The following ANKS1A variants were observed in gnomAD, a reference collection of about 807,000 sequenced individuals.
ANKS1A encodes the protein ankyrin repeat and sterile alpha motif domain containing 1A, also known as ankyrin repeat and SAM domain-containing protein 1A.
A neutral mutation model predicts 120.3 loss-of-function variants in ANKS1A; 55 were observed. The ratio of observed to expected loss-of-function variants is 0.46; its 90% CI spans 0.37 to 0.57. The LOEUF (loss-of-function observed/expected upper bound fraction) is 0.57, where lower values mean the gene tolerates loss of function less well. Ranked by LOEUF, ANKS1A falls within the 20% of genes least tolerant of loss-of-function variation. The probability of loss-of-function intolerance (pLI) is 0.00; values close to 1 mark genes in which losing one functional copy is unlikely to be tolerated. For missense variants in ANKS1A, 1,123 were observed against 1,480.3 expected, an observed-to-expected ratio of 0.76 and a Z score of 3.96; for synonymous variants, 590 against 604.7, an observed-to-expected ratio of 0.98 and a Z score of 0.36.
At chr6:34,979,375 G>A (rs572420526) in intron 3 of ANKS1A, among the ~76,000 whole-genome samples, 1 of 152,302 alleles carries the variant, frequency 6.6e-6, no homozygotes, top group South Asian at 2.1e-4. Context: ...GGGTATTACA[G>A]TTACCAGACC....
intron 1 of ANKS1A, among the ~76,000 whole-genome samples, chr6:34,957,067 A>G (rs183043147): frequency 6.6e-6 from 1 of 152,308 alleles, no homozygotes; most frequent in East Asian, 1.9e-4. Context: ...CTTTTTTCTC[A>G]GCTCTACTAA....
At chr6:34,893,113 C>G (rs1351233678) in intron 1 of ANKS1A, among the ~76,000 whole-genome samples, 3 of 152,146 alleles carry the variant, frequency 2.0e-5, no homozygotes. Context: ...CTTTGATACT[C>G]AATTTCTGCA....
chr6:35,065,833 C>T (rs553943768), intron 13 of ANKS1A, among the ~76,000 whole-genome samples: 17 of 152,334 alleles, frequency 1.1e-4, no homozygotes, highest in Admixed American at 9.1e-4. Context: ...AGATGCAGTT[C>T]GGCTCTGTGC....
At chr6:34,974,541 T>C (rs1181688434) in intron 3 of ANKS1A, among the ~76,000 whole-genome samples, 1 of 151,990 alleles carries the variant, frequency 6.6e-6, no homozygotes. Context: ...GAAGATACTC[T>C]TATCTTAGTT....
chr6:35,025,287 A>G (rs1774562062), intron 11 of ANKS1A, among the ~76,000 whole-genome samples: 2 of 148,824 alleles, frequency 1.3e-5, no homozygotes, highest in African/African-American at 4.9e-5. Flanking sequence ...TATGTATGCG[A>G]TGTGTGTGTG....
chr6:35,031,045 C>G (rs574176740), intron 11 of ANKS1A, among the ~76,000 whole-genome samples: 1 of 152,280 alleles, frequency 6.6e-6, no homozygotes, highest in African/African-American at 2.4e-5. Context: ...CTCCTGAAAA[C>G]TTAAGGGTTC....
chr6:35,012,320 A>G (rs1241867079), intron 10 of ANKS1A, among the ~76,000 whole-genome samples: 1 of 152,216 alleles, frequency 6.6e-6, no homozygotes. Flanking sequence ...GTCTTATCAA[A>G]TTGCAGTCTT....
At chr6:34,926,895 C>T (rs1768744663) in intron 1 of ANKS1A, among the ~76,000 whole-genome samples, 1 of 152,100 alleles carries the variant, frequency 6.6e-6, no homozygotes, top group South Asian at 2.1e-4. Context: ...GAGTCACTTA[C>T]AATTATGGTA....
chr6:35,027,503 C>T (rs1774688582), intron 11 of ANKS1A, among the ~76,000 whole-genome samples: 1 of 152,154 alleles, frequency 6.6e-6, no homozygotes, highest in South Asian at 2.1e-4. Context: ...GTATATATCC[C>T]AGAGAAGTTT....
At chr6:35,094,918 T>C (rs181576745), downstream of ANKS1A, among the ~76,000 whole-genome samples, 3 of 152,128 alleles carry the variant, frequency 2.0e-5, no homozygotes, top group Admixed American at 6.5e-5. Context: ...AGTGGGAGAA[T>C]TGCTTGAGTC....
At chr6:35,026,743 CA>C (rs1325940462) in intron 11 of ANKS1A, among the ~76,000 whole-genome samples, 1 of 152,178 alleles carries the variant, frequency 6.6e-6, no homozygotes. Context: ...TCCTACCCTA[CA>C]CTTAATATTG....
chr6:34,953,070 GTT>G (rs1379455303), intron 1 of ANKS1A, among the ~76,000 whole-genome samples: 2 of 152,152 alleles, frequency 1.3e-5, no homozygotes, highest in Non-Finnish European at 2.9e-5. Flanking sequence ...ATCTTAAATA[GTT>G]AGGTCTCCTC....
intron 1 of ANKS1A, among the ~76,000 whole-genome samples, chr6:34,892,459 CCT>C (rs2127439237): frequency 6.6e-6 from 1 of 152,182 alleles, no homozygotes; most frequent in South Asian, 2.1e-4. Flanking sequence ...ATATTCTACC[CCT>C]ATTTGTACTG....
At chr6:35,083,391 A>C in intron 19 of ANKS1A, 26 bp from the exon 20 acceptor site, 1 of 1,610,966 alleles carries the variant, frequency 6.2e-7, no homozygotes, top group South Asian at 1.1e-5. Flanking sequence ...AGGGGCACTG[A>C]CAGGGCCACC....
At chr6:35,021,501 C>A (rs78807416) in intron 11 of ANKS1A, among the ~76,000 whole-genome samples, 1 of 152,174 alleles carries the variant, frequency 6.6e-6, no homozygotes, top group Non-Finnish European at 1.5e-5. Context: ...TGTTATTATT[C>A]TTATTTGTGA....
At chr6:35,092,990 C>A (rs560383455), downstream of ANKS1A, among the ~76,000 whole-genome samples, 41 of 152,138 alleles carry the variant, frequency 2.7e-4, no homozygotes, top group East Asian at 7.5e-3. Flanking sequence ...CCATGGCCAC[C>A]CCTGACTTCC....
At position 35,031,650 on chromosome 6, in the gene ANKS1A, G is replaced by A. The variant is rs558109085; in HGVS notation, c.2010+13591G>A. 3.9e-5 allele frequency among the ~76,000 whole-genome samples: 6 copies of A among 152,196 alleles called. No homozygotes were observed. The East Asian group carries it at 1.2e-3, about 29-fold the overall frequency. On this transcript the variant is annotated intron_variant, in intron 11 of 23. Coordinates refer to ENST00000360359, the MANE Select transcript of ANKS1A (RefSeq NM_015245.3). ...CCACCACCTCAGTATCTCCCTGCTT[G>A]CCTTTGGGCTTCTCTAGCTCATCTT...
At position 34,997,502 on chromosome 6, in the gene ANKS1A, G is replaced by A. The variant is rs561977927; in HGVS notation, c.1423+3080G>A. On this transcript the variant is annotated intron_variant, in intron 10 of 23. Transcript: ENST00000360359. ...TGAGGCACCAAGCCTGGCCATATTG[G>A]TAGATTTTTAATTAAAACATTTAGA... 3.3e-5 allele frequency among the ~76,000 whole-genome samples: 5 copies of A among 152,194 alleles called. No homozygotes were observed. The South Asian group carries it at 1.0e-3, about 32-fold the overall frequency.
At chr6:34,989,371 G>A in intron 9 of ANKS1A, 55 bp downstream of exon 9, 4 of 1,496,460 alleles carry the variant, frequency 2.7e-6, no homozygotes, top group Non-Finnish European at 3.7e-6. Context: ...GTTGAAAAGT[G>A]CATCGATGTG....
Sources: allele counts gnomAD v4.1 joint callset (sites outside exome capture counted in the v4.1 genomes callset), GRCh38; gene constraint gnomAD v4.1.1; transcripts MANE v1.5; gene names NCBI Gene and HGNC (gene_info 2026-07-23, HGNC 2026-07-21).